Variants in NXN observed in about 807,000 individuals in gnomAD.
NXN encodes the protein nucleoredoxin 1.
In NXN, 16 loss-of-function variants were observed where a neutral mutation model predicts 48.6. The observed-to-expected ratio is 0.33, with a 90% CI of 0.22 to 0.50. The LOEUF is 0.50. Among genes scored for constraint, NXN ranks in the 20% least tolerant of loss-of-function variants. The pLI is 0.98. For synonymous variants in NXN, 281 were observed against 269.6 expected (o/e 1.04, Z -0.41); for missense variants, 492 against 605.5 (o/e 0.81, Z 1.97).
chr17:809,331 C>G lies in NXN; in HGVS notation c.821-4084G>C, dbSNP rs577168719. Reference sequence around the variant, plus strand: ...CTTTCACCGTCTCCCTCAAAACACACAGAAGAGTCAACTCCAAACTCTCTT... The same window carrying G: ...CTTTCACCGTCTCCCTCAAAACACAGAGAAGAGTCAACTCCAAACTCTCTT... On this transcript the variant is annotated intron_variant, in intron 5 of 7. Coordinates refer to ENST00000336868, the MANE Select transcript of NXN (RefSeq NM_022463.5). Among the ~76,000 whole-genome samples the G allele has an allele frequency of 9.8e-5, 15 of 152,336 alleles. No homozygotes were observed. The East Asian group carries it at 2.7e-3, about 27-fold the overall frequency.
chr17:923,686 C>T (rs2068770026), intron 1 of NXN, among the ~76,000 whole-genome samples: 1 of 152,224 alleles, frequency 6.6e-6, no homozygotes, highest in Admixed American at 6.5e-5. Flanking sequence ...AGAGTTTACG[C>T]TCTTGTAAGA....
chr17:802,333 C>T (rs893501462), intron 7 of NXN, among the ~76,000 whole-genome samples: 1 of 152,242 alleles, frequency 6.6e-6, no homozygotes, highest in Admixed American at 6.5e-5. Flanking sequence ...CCCAGCCAGA[C>T]GGGAGCCAGC....
Position 970,107 on chromosome 17 carries a change from C to T in NXN, c.360+9212G>A, listed in dbSNP as rs564323629. On this transcript the variant is annotated intron_variant, in intron 1 of 7. Transcript: ENST00000336868. Reference sequence around the variant, plus strand: ...GTGTATCTGGTCCAAGAGTTATGACCGGCAAGCCGCAGAAAATTTACGTTT... The same window carrying T: ...GTGTATCTGGTCCAAGAGTTATGACTGGCAAGCCGCAGAAAATTTACGTTT... Among the ~76,000 whole-genome samples the T allele has an allele frequency of 7.9e-5, 12 of 152,270 alleles. No individual in the cohort carries two copies. In the South Asian group the frequency reaches 2.3e-3, roughly 29 times the overall value.
At chr17:904,160 C>T (rs766944617) in intron 1 of NXN, among the ~76,000 whole-genome samples, 3 of 152,230 alleles carry the variant, frequency 2.0e-5, no homozygotes, top group African/African-American at 7.2e-5. Context: ...TGCCTCACCG[C>T]GTCGACTGCC....
chr17:979,445 C>T lies in NXN; in HGVS notation c.234G>A (p.Ala78=). The part of the protein sequence containing the change: ...PGPGAGAGAA[A]EPEPRRRLEI... Reference sequence around the variant, plus strand: ...CCAGGCGCCGCCGCGGCTCGGGCTCCGCCGCCGCCCCGGCCCCCGCTCCCG... The same window carrying T: ...CCAGGCGCCGCCGCGGCTCGGGCTCTGCCGCCGCCCCGGCCCCCGCTCCCG... Residue 78 remains alanine, a synonymous_variant, in exon 1 of 8, where the codon GCG becomes GCA. Coordinates refer to ENST00000336868, the MANE Select transcript of NXN (RefSeq NM_022463.5). 1.6e-6 allele frequency: 2 copies of T among 1,256,658 alleles called. No homozygotes were observed. The highest frequency in any genetic ancestry group is 2.2e-5 in the South Asian group (1 of 45,318). The allele number at this position is 1,256,658 out of a possible 1,614,324, so 77.8% of individuals were successfully genotyped here.
At chr17:863,853 T>C in intron 1 of NXN, 3 of 954,468 alleles carry the variant, frequency 3.1e-6, no homozygotes, top group Non-Finnish European at 4.8e-6. Context: ...AAGGATCAAC[T>C]GTCCTTCAGG....
At chr17:939,810 C>G (rs887080273) in intron 1 of NXN, among the ~76,000 whole-genome samples, 1 of 152,136 alleles carries the variant, frequency 6.6e-6, no homozygotes, top group Non-Finnish European at 1.5e-5. Context: ...GAGACTGATC[C>G]CCCACATGCT....
rs374745073 is a variant in NXN at position 966,211 on chromosome 17, C to G, written c.360+13108G>C. 3.6e-4 allele frequency among the ~76,000 whole-genome samples: 55 copies of G among 152,212 alleles called. 1 individual carries two copies. In the East Asian group the frequency reaches 6.6e-3, roughly 18 times the overall value. On this transcript the variant is annotated intron_variant, in intron 1 of 7. Transcript: ENST00000336868. ...ACATCTACAACAAGCTTGTCCAACC[C>G]ACAGCACGCGGACACATGTGGCCCA... is the stretch of plus-strand genomic sequence containing the variant.
intron 1 of NXN, among the ~76,000 whole-genome samples, chr17:891,370 A>T (rs1204755691): frequency 6.6e-6 from 1 of 152,226 alleles, no homozygotes; most frequent in Non-Finnish European, 1.5e-5. Context: ...ACCCGGCCTA[A>T]ATCTCTCATG....
chr17:915,216 G>C, intron 1 of NXN, among the ~76,000 whole-genome samples: 1 of 151,886 alleles, frequency 6.6e-6, no homozygotes, highest in Non-Finnish European at 1.5e-5. Context: ...TTACAGGCGT[G>C]AGCCACTGCA....
chr17:934,289 C>T (rs906415493), intron 1 of NXN, among the ~76,000 whole-genome samples: 29 of 151,616 alleles, frequency 1.9e-4, no homozygotes, highest in African/African-American at 6.8e-4. Flanking sequence ...ACTAAAAATA[C>T]AAAAAAATTA....
Position 956,547 on chromosome 17 carries a change from G to A in NXN, c.360+22772C>T, listed in dbSNP as rs1230070400. ...TCCTGCCTCAGCCTCCCAAGTAGCT[G>A]GGACTACAGGCGCCCGCCACCACGT... On this transcript the variant is annotated intron_variant, in intron 1 of 7. Coordinates refer to ENST00000336868, the MANE Select transcript of NXN (RefSeq NM_022463.5). The surrounding 1 kb of genome is among the most constrained non-coding windows in gnomAD (Gnocchi z 4.1). 6.6e-6 allele frequency among the ~76,000 whole-genome samples: 1 copy of A among 152,124 alleles called. No individual in the cohort carries two copies. Among genetic ancestry groups the A allele is most frequent in the Non-Finnish European group, 1.5e-5 (1 of 68,030 alleles).
At chr17:835,093 G>C (rs1205678185) in intron 1 of NXN, among the ~76,000 whole-genome samples, 1 of 151,438 alleles carries the variant, frequency 6.6e-6, no homozygotes, top group South Asian at 2.1e-4. Flanking sequence ...CGGATCACAA[G>C]GTCAGGAGAT....
At chr17:935,145 T>TACC (rs1259192756) in intron 1 of NXN, among the ~76,000 whole-genome samples, 2 of 151,868 alleles carry the variant, frequency 1.3e-5, no homozygotes, top group Non-Finnish European at 1.5e-5. Context: ...GTGCATGCAC[T>TACC]ACCACGCCCA....
intron 5 of NXN, among the ~76,000 whole-genome samples, chr17:811,049 AAG>A (rs890704000): frequency 7.9e-5 from 12 of 152,310 alleles, no homozygotes; most frequent in African/African-American, 2.4e-4. Flanking sequence ...GGGGCAAAGG[AAG>A]AGAGTCAAGG....
chr17:873,407 G>A (rs2068180067), intron 1 of NXN, among the ~76,000 whole-genome samples: 1 of 148,288 alleles, frequency 6.7e-6, no homozygotes, highest in South Asian at 2.1e-4. Flanking sequence ...TGAGACAGGA[G>A]AATTGCTTGA....
intron 1 of NXN, among the ~76,000 whole-genome samples, chr17:860,156 C>T (rs1025893205): frequency 3.3e-5 from 5 of 152,124 alleles, no homozygotes; most frequent in African/African-American, 7.2e-5. Flanking sequence ...CATAGTCTTG[C>T]TCTGTTGCCT....
intron 3 of NXN, among the ~76,000 whole-genome samples, chr17:823,177 T>A (rs1912908908): frequency 6.6e-6 from 1 of 151,148 alleles, no homozygotes; most frequent in Non-Finnish European, 1.5e-5. Flanking sequence ...GGCGGGCAGA[T>A]CACCTGAGGT....
At chr17:976,698 G>A (rs1242295189) in intron 1 of NXN, among the ~76,000 whole-genome samples, 3 of 151,950 alleles carry the variant, frequency 2.0e-5, no homozygotes, top group East Asian at 3.9e-4. Context: ...AACTTCAAAT[G>A]AGACAAAAAC....
Sources: gnomAD v4.1 joint callset for allele counts (sites outside exome capture counted in the v4.1 genomes callset) on GRCh38, gnomAD v4.1.1 for gene constraint, Gnocchi (gnomAD v3.1) non-coding constraint, MANE v1.5 for transcripts, NCBI Gene and HGNC (gene_info 2026-07-23, HGNC 2026-07-21) for gene names.